BICC1: variants seen among roughly 807,000 people sequenced by gnomAD.
BICC1 encodes the protein protein bicaudal C homolog 1.
BICC1 carries 43 observed loss-of-function variants against 111.0 expected under a neutral mutation model. That is an observed-to-expected ratio of 0.39 (90% CI 0.30 to 0.50). The LOEUF is 0.50. Ranked by LOEUF, BICC1 falls within the 20% of genes least tolerant of loss-of-function variation. BICC1 has a pLI of 0.88. For synonymous variants in BICC1, 467 were observed against 434.4 expected, an observed-to-expected ratio of 1.07 and a Z score of -0.93; for missense variants, 1,091 against 1,203.2, an observed-to-expected ratio of 0.91 and a Z score of 1.38.
intron 1 of BICC1, among the ~76,000 whole-genome samples, chr10:58,520,717 C>A (rs890326377): frequency 1.1e-4 from 17 of 151,758 alleles, no homozygotes; most frequent in Admixed American, 5.3e-4. Flanking sequence ...TGTTTTTTCC[C>A]CCTCGATTTT....
Position 58,776,671 on chromosome 10 carries a change from A to G in BICC1, c.308-8330A>G, listed in dbSNP as rs115481710. 1.9e-3 allele frequency among the ~76,000 whole-genome samples: 289 copies of G among 152,208 alleles called. 2 individuals carry two copies. The highest frequency in any genetic ancestry group is 6.4e-3 in the African/African-American group (266 of 41,542). On this transcript the variant is annotated intron_variant, in intron 3 of 20. Transcript: ENST00000373886. ...GTGTCTTGGCTTCGTCTCCACCATC[A>G]CAAGAGTTGCCCATCTCCCTCTCAT...
At chr10:58,694,740 A>G (rs181668450) in intron 2 of BICC1, among the ~76,000 whole-genome samples, 330 of 152,212 alleles carry the variant, frequency 2.2e-3, no homozygotes, top group African/African-American at 7.3e-3. Context: ...GGGGACACTA[A>G]TCTAGTTTGG....
At chr10:58,795,495 A>G (rs1041550163) in intron 9 of BICC1, among the ~76,000 whole-genome samples, 16 of 152,332 alleles carry the variant, frequency 1.1e-4, no homozygotes, top group African/African-American at 3.8e-4. Flanking sequence ...ATGGACAGTC[A>G]GAAGAATTCC....
At chr10:58,796,705 G>A (rs187135293) in intron 10 of BICC1, among the ~76,000 whole-genome samples, 179 bp downstream of exon 10, 167 of 152,150 alleles carry the variant, frequency 1.1e-3, no homozygotes, top group African/African-American at 3.8e-3. Context: ...AGTCTCTGTG[G>A]ATTTGTTACC....
At chr10:58,533,328 T>G (rs530780747) in intron 1 of BICC1, among the ~76,000 whole-genome samples, 1 of 152,004 alleles carries the variant, frequency 6.6e-6, no homozygotes, top group African/African-American at 2.4e-5. Flanking sequence ...GTATCCATTT[T>G]TCTTCACTTA....
intron 2 of BICC1, among the ~76,000 whole-genome samples, chr10:58,639,719 A>ATTTTTTTT (rs71033694): frequency 2.1e-5 from 2 of 93,180 alleles, no homozygotes; most frequent in Admixed American, 1.5e-4. Flanking sequence ...GCCCGGCCAA[A>ATTTTTTTT]TTTTTTTTTT....
At chr10:58,740,035 T>A (rs1407023237) in intron 3 of BICC1, among the ~76,000 whole-genome samples, 1 of 152,192 alleles carries the variant, frequency 6.6e-6, no homozygotes, top group Non-Finnish European at 1.5e-5. Context: ...TGCTTGATGA[T>A]GTCTAGCTGG....
intron 9 of BICC1, among the ~76,000 whole-genome samples, chr10:58,794,617 G>T (rs1843293094): frequency 6.6e-6 from 1 of 151,852 alleles, no homozygotes; most frequent in Admixed American, 6.6e-5. Context: ...ATGGGGTTTG[G>T]CCATGTTGCC....
chr10:58,637,819 G>T (rs1329503494), intron 2 of BICC1, among the ~76,000 whole-genome samples: 2 of 152,126 alleles, frequency 1.3e-5, no homozygotes, highest in Admixed American at 6.5e-5. Flanking sequence ...AGGTACCAGT[G>T]GCATAACTTA....
At chr10:58,798,597 C>T (rs771141047) in intron 11 of BICC1, 37 bp downstream of exon 11, 10 of 1,479,318 alleles carry the variant, frequency 6.8e-6, no homozygotes, top group South Asian at 1.5e-5. Context: ...GTTGTGTATT[C>T]TTAGGTGTTA....
intron 1 of BICC1, among the ~76,000 whole-genome samples, chr10:58,556,989 G>A (rs191729754): frequency 2.9e-4 from 44 of 152,134 alleles, no homozygotes; most frequent in Admixed American, 2.2e-3. Flanking sequence ...GTTACCTCGC[G>A]TTGTAAAAGG....
intron 2 of BICC1, among the ~76,000 whole-genome samples, chr10:58,680,267 G>A (rs1839476178): frequency 6.6e-6 from 1 of 152,098 alleles, no homozygotes; most frequent in African/African-American, 2.4e-5. Context: ...GCCTGTATAT[G>A]TTTGTATATT....
intron 2 of BICC1, among the ~76,000 whole-genome samples, chr10:58,687,692 G>A (rs1839781262): frequency 6.6e-6 from 1 of 152,220 alleles, no homozygotes; most frequent in Non-Finnish European, 1.5e-5. Context: ...TAATCTCTTG[G>A]TGTGCCATTT....
intron 3 of BICC1, among the ~76,000 whole-genome samples, chr10:58,779,001 G>C (rs1197095779): frequency 7.2e-5 from 11 of 152,130 alleles, no homozygotes; most frequent in Admixed American, 6.6e-4. Flanking sequence ...TAATAAGTCA[G>C]TTCAGGTGTT....
chr10:58,662,808 A>G (rs2132294677), intron 2 of BICC1, among the ~76,000 whole-genome samples: 1 of 152,342 alleles, frequency 6.6e-6, no homozygotes, highest in Non-Finnish European at 1.5e-5. Flanking sequence ...AAGAAAGGAA[A>G]AGTATTGCGA....
intron 2 of BICC1, among the ~76,000 whole-genome samples, chr10:58,621,245 A>G (rs1381839810): frequency 1.3e-5 from 2 of 152,224 alleles, no homozygotes; most frequent in African/African-American, 4.8e-5. Context: ...AAGGTACACT[A>G]TCCTATATGG....
At chr10:58,521,040 CA>C (rs1159217220) in intron 1 of BICC1, among the ~76,000 whole-genome samples, 5 of 152,078 alleles carry the variant, frequency 3.3e-5, no homozygotes, top group Non-Finnish European at 7.4e-5. Context: ...AGCGTTGAAT[CA>C]TAAGTATTTT....
At chr10:58,514,324 G>A (rs1842183883) in intron 1 of BICC1, among the ~76,000 whole-genome samples, 1 of 152,200 alleles carries the variant, frequency 6.6e-6, no homozygotes, top group Admixed American at 6.5e-5. Flanking sequence ...CACTTAGGGC[G>A]CTGGTGAAGA....
At chr10:58,744,536 TTAA>T (rs1841771818) in intron 3 of BICC1, among the ~76,000 whole-genome samples, 2 of 152,124 alleles carry the variant, frequency 1.3e-5, no homozygotes, top group South Asian at 4.1e-4. Context: ...TAAAAATTCA[TTAA>T]TATTTTTTAA....
Sources: allele counts gnomAD v4.1 joint callset (sites outside exome capture counted in the v4.1 genomes callset), GRCh38; gene constraint gnomAD v4.1.1; transcripts MANE v1.5; gene names NCBI Gene and HGNC (gene_info 2026-07-23, HGNC 2026-07-21).